The following MIA3 variants were observed in gnomAD, a reference collection of about 807,000 sequenced individuals.
MIA3 encodes transport and Golgi organization protein 1 homolog.
A neutral mutation model predicts 192.4 loss-of-function variants in MIA3; 90 were observed. The ratio of observed to expected loss-of-function variants is 0.47; its 90% CI spans 0.39 to 0.56. The LOEUF is 0.56. Among genes scored for constraint, MIA3 ranks in the 20% least tolerant of loss-of-function variants. MIA3 has a pLI of 0.00. For synonymous variants in MIA3, 740 were observed against 792.8 expected, an observed-to-expected ratio of 0.93 and a Z score of 1.12; for missense variants, 2,123 against 2,269.4, an observed-to-expected ratio of 0.94 and a Z score of 1.31.
In MIA3 at chr1:222,630,007, C is replaced by T. The variant is rs770138615; in HGVS notation, c.2787C>T (p.Phe929=). ...AGGACTTACTTATCATAAGCAGCTT[C>T]TTTAAAGAACAACAGTCTTTGCAGC... ...KREDLLIISS[F]FKEQQSLQRF... is the part of the protein sequence containing the mutation. Residue 929 remains phenylalanine, a synonymous_variant, in exon 4 of 28, where the codon TTC becomes TTT. Transcript: ENST00000344922. The T allele has an allele frequency of 4.3e-6, 7 of 1,614,034 alleles. No individual in the cohort carries two copies. In the African/African-American group the frequency reaches 9.3e-5, roughly 22 times the overall value.
chr1:222,645,156 G>A (rs567947906), intron 6 of MIA3, among the ~76,000 whole-genome samples: 1 of 152,144 alleles, frequency 6.6e-6, no homozygotes, highest in South Asian at 2.1e-4. Flanking sequence ...TTTATTTGCA[G>A]CCATAAAAAG....
At chr1:222,635,729 T>C (rs1275084710) in intron 6 of MIA3, among the ~76,000 whole-genome samples, 1 of 152,158 alleles carries the variant, frequency 6.6e-6, no homozygotes, top group Non-Finnish European at 1.5e-5. Flanking sequence ...AGATCAATAA[T>C]TGATGAATAG....
rs1663528588 is a variant in MIA3 at position 222,653,111 on chromosome 1, A to G, written c.4190A>G (p.His1397Arg). The change falls in exon 14 of 28, where the codon CAC becomes CGC. Residue 1397 changes from histidine (H) to arginine (R), a missense_variant. Transcript: ENST00000344922. ...SQKDLEVALTHKDDNINALTN... is the reference protein window; with the variant it reads ...SQKDLEVALTRKDDNINALTN... Reference sequence around the variant, plus strand: ...AAAGATTTGGAAGTAGCTCTTACTCACAAGGATGATAATATTAATGTAAGT... The same window carrying G: ...AAAGATTTGGAAGTAGCTCTTACTCGCAAGGATGATAATATTAATGTAAGT... 9 of 1,611,124 alleles carry G rather than the reference A, an allele frequency of 5.6e-6. No individual in the cohort carries two copies. The highest frequency in any genetic ancestry group is 7.6e-6 in the Non-Finnish European group (9 of 1,177,440).
chr1:222,629,141 C>T lies in MIA3; in HGVS notation c.1921C>T (p.Pro641Ser). 2 of 1,614,172 alleles carry T rather than the reference C, an allele frequency of 1.2e-6. No individual in the cohort carries two copies. Among genetic ancestry groups the T allele is most frequent in the Non-Finnish European group, 1.7e-6 (2 of 1,180,024 alleles). Residue 641 changes from proline to serine, a missense_variant, in exon 4 of 28, where the codon CCC becomes TCC. Transcript: ENST00000344922. ...CTCCTCTCCAGATGAGATTGATTTG[C>T]CCAGAGAACTGGAAGACGAGGTTCC... The part of the protein sequence containing the change: ...RFSSPDEIDL[P>S]RELEDEVPIL...
intron 5 of MIA3, 46 bp downstream of exon 5, chr1:222,632,372 A>C: frequency 6.5e-7 from 1 of 1,531,520 alleles, no homozygotes; most frequent in Non-Finnish European, 8.9e-7. Context: ...AATCATAAAG[A>C]AGGCCTTCTA....
At chr1:222,624,742 TC>T (rs1558171612) in intron 2 of MIA3, 25 bp from the exon 3 acceptor site, 2 of 1,040,022 alleles carry the variant, frequency 1.9e-6, no homozygotes, top group African/African-American at 1.6e-5. Flanking sequence ...TTGATATGTG[TC>T]CCTTTTGCCC....
At chr1:222,647,551 G>T (rs926735288) in intron 7 of MIA3, among the ~76,000 whole-genome samples, 9 of 152,060 alleles carry the variant, frequency 5.9e-5, no homozygotes, top group African/African-American at 2.2e-4. Context: ...CTAACCTCCT[G>T]GTGCTTTTCT....
At position 222,629,565 on chromosome 1, in the gene MIA3, C is replaced by T. The variant is rs776009166; in HGVS notation, c.2345C>T (p.Thr782Ile). 1.9e-6 allele frequency: 3 copies of T among 1,613,946 alleles called. No homozygotes were observed. The Admixed American group carries it at 5.0e-5, about 27-fold the overall frequency. Reference sequence around the variant, plus strand: ...GAAATTGAAGAAAGCAAGCAAGAAACTAGTATGATTTTGGATAGCGAAAAA... The same window carrying T: ...GAAATTGAAGAAAGCAAGCAAGAAATTAGTATGATTTTGGATAGCGAAAAA... ...DPEIEESKQE[T>I]SMILDSEKTS... The change falls in exon 4 of 28, where the codon ACT becomes ATT. Residue 782 changes from threonine to isoleucine, a missense_variant. Physicochemically the swap from Thr to Ile is moderately conservative, Grantham distance 89 (BLOSUM62 -1). This residue lies in a region of MIA3 where 1,357 missense variants were observed against 1,396.1 expected (regional missense o/e 0.97). Coordinates refer to ENST00000344922, the MANE Select transcript of MIA3 (RefSeq NM_198551.4).
intron 19 of MIA3, 147 bp from the exon 20 acceptor site, chr1:222,659,306 T>C (rs910101035): frequency 1.5e-6 from 1 of 667,546 alleles, no homozygotes; most frequent in Non-Finnish European, 2.6e-6. Context: ...ATTGTACTTT[T>C]GTTATAACCA....
intron 2 of MIA3, among the ~76,000 whole-genome samples, chr1:222,622,645 A>T (rs1661925017): frequency 6.6e-6 from 1 of 152,234 alleles, no homozygotes; most frequent in Non-Finnish European, 1.5e-5. Context: ...ATTTCCTTCA[A>T]GTCTACCTAA....
At position 222,652,389 on chromosome 1, in the gene MIA3, C is replaced by T. The variant is rs1033042543; in HGVS notation, c.4086+57C>T. On this transcript the variant is annotated intron_variant, in intron 13 of 27. Transcript: ENST00000344922. ...AAATAGAGAACTCAGTATCATACCTCATGAATGCCTTTACTCAGATCTATT... is the reference window on the plus strand; with the variant it reads ...AAATAGAGAACTCAGTATCATACCTTATGAATGCCTTTACTCAGATCTATT... 2.8e-5 allele frequency: 29 copies of T among 1,044,966 alleles called. No homozygotes were observed. In the African/African-American group the frequency reaches 4.4e-4, roughly 16 times the overall value. The allele number at this position is 1,044,966 out of a possible 1,614,324, so 64.7% of individuals were successfully genotyped here.
intron 2 of MIA3, 125 bp from the exon 3 acceptor site, chr1:222,624,643 T>C: frequency 3.3e-6 from 2 of 605,744 alleles, no homozygotes; most frequent in Non-Finnish European, 6.1e-6. Flanking sequence ...AGAAAAGTAA[T>C]GACATTACAA....
chr1:222,662,529 A>G, intron 26 of MIA3, 197 bp downstream of exon 26: 2 of 1,382,226 alleles, frequency 1.4e-6, no homozygotes, highest in Non-Finnish European at 1.9e-6. Context: ...GTCCAGTAGC[A>G]GTAAGTACTT....
At chr1:222,633,758 G>C (rs576415727) in intron 6 of MIA3, among the ~76,000 whole-genome samples, 1 of 152,218 alleles carries the variant, frequency 6.6e-6, no homozygotes, top group East Asian at 1.9e-4. Context: ...ATGCAGTCAG[G>C]CAGAAGAAAT....
At chr1:222,639,978 GA>G (rs11316531) in intron 6 of MIA3, among the ~76,000 whole-genome samples, 24,565 of 151,922 alleles carry the variant, frequency 0.16, 3,567 homozygotes, top group African/African-American at 0.39. Flanking sequence ...GTGGGATGTA[GA>G]AAAAAATCTA....
Position 222,628,941 on chromosome 1 carries a change from A to T in MIA3, c.1721A>T (p.Gln574Leu). Residue 574 changes from glutamine to leucine, a missense_variant, in exon 4 of 28, where the codon CAG (glutamine) becomes CTG (leucine). Physicochemically the swap from Gln to Leu is moderately radical, Grantham distance 113. This residue lies in a region of MIA3 where 1,357 missense variants were observed against 1,396.1 expected (regional missense o/e 0.97). Coordinates refer to ENST00000344922, the MANE Select transcript of MIA3 (RefSeq NM_198551.4). ...CAAATGAATGACAGAAAGATTCAAC[A>T]GGAATCCCTGGGTAGTGCACCACTC... ...GNQMNDRKIQ[Q>L]ESLGSAPLMG... is the part of the protein sequence containing the mutation. 6.2e-7 allele frequency: 1 copy of T among 1,614,210 alleles called. No individual in the cohort carries two copies.
chr1:222,644,982 A>T (rs1053577805), intron 6 of MIA3, among the ~76,000 whole-genome samples: 2 of 152,210 alleles, frequency 1.3e-5, no homozygotes, highest in Admixed American at 6.5e-5. Flanking sequence ...TCAAGGAAAC[A>T]TTTAGAATTA....
intron 2 of MIA3, among the ~76,000 whole-genome samples, chr1:222,623,356 A>G (rs1661963921): frequency 6.6e-6 from 1 of 151,946 alleles, no homozygotes; most frequent in Admixed American, 6.6e-5. Context: ...AGGAAGGTAA[A>G]TGTATTGTAT....
intron 18 of MIA3, among the ~76,000 whole-genome samples, chr1:222,655,053 C>T (rs1663643698): frequency 6.6e-6 from 1 of 152,214 alleles, no homozygotes; most frequent in South Asian, 2.1e-4. Context: ...TGTGGGAGTG[C>T]TTCTCTTTTG....
Sources: gnomAD v4.1 joint callset for allele counts (sites outside exome capture counted in the v4.1 genomes callset) on GRCh38, gnomAD v4.1.1 for gene constraint, gnomAD v4.1.1 regional missense constraint, MANE v1.5 for transcripts, NCBI Gene and HGNC (gene_info 2026-07-23, HGNC 2026-07-21) for gene names.